Variants in MAGI1 observed in about 807,000 individuals in gnomAD.
MAGI1 encodes membrane associated guanylate kinase, WW and PDZ domain containing 1.
MAGI1 carries 58 observed loss-of-function variants against 139.9 expected under a neutral mutation model. That is an observed-to-expected ratio of 0.41 (90% CI 0.34 to 0.52). The LOEUF is 0.52. Among genes scored for constraint, MAGI1 ranks in the 20% least tolerant of loss-of-function variants. MAGI1 has a pLI of 0.12. For missense variants in MAGI1, 1,874 were observed against 1,901.6 expected, an observed-to-expected ratio of 0.99 and a Z score of 0.27; for synonymous variants, 812 against 737.9, an observed-to-expected ratio of 1.10 and a Z score of -1.63.
At position 65,887,787 on chromosome 3, in the gene MAGI1, G is replaced by A. The variant is rs77780237; in HGVS notation, c.313+150209C>T. 5.3e-3 allele frequency among the ~76,000 whole-genome samples: 813 copies of A among 152,232 alleles called. 5 individuals carry two copies. The highest frequency in any genetic ancestry group is 0.019 in the African/African-American group (783 of 41,546). On this transcript the variant is annotated intron_variant, in intron 1 of 22. Coordinates refer to ENST00000402939, the MANE Select transcript of MAGI1 (RefSeq NM_001033057.2). ...TGTCTTAAAGCTTTCAAGACCACATGAGGATATGGTACATTGCCCATTATC... is the reference window on the plus strand; with the variant it reads ...TGTCTTAAAGCTTTCAAGACCACATAAGGATATGGTACATTGCCCATTATC...
intron 1 of MAGI1, among the ~76,000 whole-genome samples, chr3:65,731,646 C>T (rs952197772): frequency 2.1e-5 from 3 of 141,660 alleles, no homozygotes; most frequent in African/African-American, 5.4e-5. Context: ...CAGAGTGAGA[C>T]TCTGTCTCAA....
chr3:65,787,097 GAAC>G (rs2039447572), intron 1 of MAGI1, among the ~76,000 whole-genome samples: 1 of 151,988 alleles, frequency 6.6e-6, no homozygotes, highest in Non-Finnish European at 1.5e-5. Context: ...CTAATTTATG[GAAC>G]AACAATAAAA....
chr3:65,622,199 C>G (rs2083711654), intron 1 of MAGI1, 111 bp from the exon 2 acceptor site: 1 of 774,334 alleles, frequency 1.3e-6, no homozygotes, highest in Admixed American at 1.8e-5. Flanking sequence ...TAGCCTGCCA[C>G]CCCTAGTCAT....
chr3:65,690,296 C>T (rs1351723934), intron 1 of MAGI1, among the ~76,000 whole-genome samples: 1 of 152,094 alleles, frequency 6.6e-6, no homozygotes, highest in Non-Finnish European at 1.5e-5. Flanking sequence ...GTCCTGGTGA[C>T]ACACTCTTTT....
intron 1 of MAGI1, among the ~76,000 whole-genome samples, chr3:65,860,185 C>T (rs776189366): frequency 3.9e-5 from 6 of 152,224 alleles, no homozygotes; most frequent in South Asian, 2.1e-4. Flanking sequence ...TGTCAGCCAC[C>T]GCATCCAGCC....
chr3:65,772,929 A>G (rs534220133), intron 1 of MAGI1, among the ~76,000 whole-genome samples: 3 of 152,314 alleles, frequency 2.0e-5, no homozygotes, highest in Non-Finnish European at 2.9e-5. Context: ...AAAGACTACC[A>G]GATGAAAGTT....
At chr3:65,769,482 C>T (rs1352531506) in intron 1 of MAGI1, among the ~76,000 whole-genome samples, 4 of 151,914 alleles carry the variant, frequency 2.6e-5, no homozygotes, top group African/African-American at 9.7e-5. Flanking sequence ...GAGCAAGACT[C>T]TAAGAAAAAA....
At chr3:65,364,328 A>C (rs1350172644) in intron 20 of MAGI1, among the ~76,000 whole-genome samples, 3 of 152,072 alleles carry the variant, frequency 2.0e-5, no homozygotes, top group Non-Finnish European at 4.4e-5. Context: ...AAGCCTGAAA[A>C]ACACCTTATC....
intron 1 of MAGI1, among the ~76,000 whole-genome samples, chr3:65,944,869 A>G (rs2063481938): frequency 6.6e-6 from 1 of 152,222 alleles, no homozygotes; most frequent in Non-Finnish European, 1.5e-5. Context: ...GAGAGTGTCA[A>G]TTTTGTCCGA....
Position 65,363,481 on chromosome 3 carries a change from C to T in MAGI1, c.3479G>A (p.Arg1160Lys). 6.2e-7 allele frequency: 1 copy of T among 1,612,208 alleles called. No homozygotes were observed. Among genetic ancestry groups the T allele is most frequent in the African/African-American group, 1.3e-5 (1 of 74,930 alleles). Reference protein sequence around the residue: ...LRLAEDGPAERCGKMRIGDEI... With the variant: ...LRLAEDGPAEKCGKMRIGDEI... ...TCCACTTACCCTCATCTTTCCACAC[C>T]TCTCCGCAGGACCGTCCTCTGCTAA... The change falls in exon 21 of 23, where the codon AGG becomes AAG. Residue 1160 changes from arginine to lysine, a missense_variant. Physicochemically the swap from Arg to Lys is conservative, Grantham distance 26 (BLOSUM62 2). Coordinates refer to ENST00000402939, the MANE Select transcript of MAGI1 (RefSeq NM_001033057.2).
chr3:65,902,994 T>TG (rs555316502), intron 1 of MAGI1, among the ~76,000 whole-genome samples: 1 of 152,188 alleles, frequency 6.6e-6, no homozygotes, highest in African/African-American at 2.4e-5. Context: ...AAGTCTTTTT[T>TG]GGGGGGAGTG....
At chr3:65,964,118 A>T (rs2064613145) in intron 1 of MAGI1, among the ~76,000 whole-genome samples, 1 of 152,158 alleles carries the variant, frequency 6.6e-6, no homozygotes, top group Non-Finnish European at 1.5e-5. Context: ...AAACCAACAC[A>T]ATTTTAACCC....
intron 1 of MAGI1, among the ~76,000 whole-genome samples, chr3:65,957,424 G>C (rs1439722441): frequency 6.6e-6 from 1 of 151,030 alleles, no homozygotes; most frequent in Admixed American, 6.6e-5. Context: ...GCGGCGCTGA[G>C]GTGGGAAGAT....
chr3:65,374,542 T>G (rs1258943662), intron 18 of MAGI1, among the ~76,000 whole-genome samples: 1 of 152,162 alleles, frequency 6.6e-6, no homozygotes, highest in African/African-American at 2.4e-5. Flanking sequence ...GGTCTCAAAC[T>G]CCTGACCTCA....
intron 1 of MAGI1, among the ~76,000 whole-genome samples, chr3:65,949,499 G>C (rs1447306081): frequency 6.6e-6 from 1 of 152,134 alleles, no homozygotes; most frequent in Admixed American, 6.5e-5. Flanking sequence ...CTCAAAAGAA[G>C]GAAATGTACT....
intron 2 of MAGI1, among the ~76,000 whole-genome samples, chr3:65,537,461 T>G (rs908462123): frequency 1.3e-5 from 2 of 152,164 alleles, no homozygotes; most frequent in African/African-American, 4.8e-5. Context: ...TATTTATTCA[T>G]GTGTTTCTCC....
intron 1 of MAGI1, among the ~76,000 whole-genome samples, chr3:65,901,052 T>G (rs981041166): frequency 1.3e-5 from 2 of 152,220 alleles, no homozygotes; most frequent in African/African-American, 2.4e-5. Flanking sequence ...TTTCCAAAAC[T>G]GGCCTACACT....
At chr3:65,608,391 C>T (rs931819376) in intron 2 of MAGI1, among the ~76,000 whole-genome samples, 6 of 151,798 alleles carry the variant, frequency 4.0e-5, no homozygotes, top group Admixed American at 6.6e-5. Flanking sequence ...GCCGAGATTG[C>T]GCCATTGCAC....
intron 3 of MAGI1, among the ~76,000 whole-genome samples, chr3:65,481,550 T>C (rs1027736360): frequency 6.6e-6 from 1 of 152,244 alleles, no homozygotes; most frequent in Non-Finnish European, 1.5e-5. Flanking sequence ...CGACATCATG[T>C]ACATTTTCAA....
Sources: allele counts gnomAD v4.1 joint callset (sites outside exome capture counted in the v4.1 genomes callset), GRCh38; gene constraint gnomAD v4.1.1; transcripts MANE v1.5; gene names NCBI Gene and HGNC (gene_info 2026-07-23, HGNC 2026-07-21).